The following SPAG16 variants were observed in gnomAD, a reference collection of about 807,000 sequenced individuals.
The protein encoded by SPAG16 is sperm associated antigen 16.
A neutral mutation model predicts 80.4 loss-of-function variants in SPAG16; 86 were observed. The ratio of observed to expected loss-of-function variants is 1.07; its 90% CI spans 0.90 to 1.28. The LOEUF (loss-of-function observed/expected upper bound fraction) is 1.28. SPAG16 is among the 50% of genes most tolerant of loss of function. The probability of loss-of-function intolerance (pLI) is 0.00; values close to 1 mark genes in which losing one functional copy is unlikely to be tolerated. For missense variants in SPAG16, 870 were observed against 765.3 expected (o/e 1.14, Z -1.61); for synonymous variants, 294 against 265.9 (o/e 1.11, Z -1.03).
chr2:213,738,024 TTC>T (rs2067372916), intron 10 of SPAG16, among the ~76,000 whole-genome samples: 5 of 152,232 alleles, frequency 3.3e-5, no homozygotes, highest in Non-Finnish European at 7.3e-5. Flanking sequence ...TTTTAAATTT[TTC>T]TCTTTCTAAA....
chr2:214,111,224 G>A (rs1378706235), intron 14 of SPAG16, among the ~76,000 whole-genome samples: 1 of 152,136 alleles, frequency 6.6e-6, no homozygotes, highest in Non-Finnish European at 1.5e-5. Context: ...GTCCTGAATG[G>A]TATTCCCTAG....
chr2:213,907,462 CG>C (rs1396799899), intron 11 of SPAG16, among the ~76,000 whole-genome samples: 1 of 134,154 alleles, frequency 7.5e-6, no homozygotes, highest in African/African-American at 2.6e-5. Context: ...TGGAAAACAG[CG>C]TGGAGGTTTC....
chr2:214,035,127 G>T (rs2048622059), intron 13 of SPAG16, among the ~76,000 whole-genome samples: 1 of 152,026 alleles, frequency 6.6e-6, no homozygotes, highest in South Asian at 2.1e-4. Flanking sequence ...AGACCGTGGG[G>T]TAGGTAGCTC....
chr2:213,723,027 G>A (rs1431466180), intron 10 of SPAG16, among the ~76,000 whole-genome samples: 1 of 152,152 alleles, frequency 6.6e-6, no homozygotes, highest in Non-Finnish European at 1.5e-5. Context: ...TGAATTTTGA[G>A]GGGACACCAA....
chr2:213,330,128 T>C (rs1397678021), intron 5 of SPAG16, among the ~76,000 whole-genome samples: 1 of 152,104 alleles, frequency 6.6e-6, no homozygotes, highest in African/African-American at 2.4e-5. Flanking sequence ...GCTAAGGCAG[T>C]GCGGAAGGGA....
chr2:213,351,308 G>C (rs2065313956), intron 7 of SPAG16, among the ~76,000 whole-genome samples: 1 of 152,064 alleles, frequency 6.6e-6, no homozygotes, highest in African/African-American at 2.4e-5. Context: ...TAAACAAATT[G>C]GAGCTCAGAT....
intron 10 of SPAG16, among the ~76,000 whole-genome samples, chr2:213,815,483 A>G (rs1189037328): frequency 3.3e-5 from 5 of 152,230 alleles, no homozygotes; most frequent in Non-Finnish European, 7.3e-5. Flanking sequence ...ACATCTCAAT[A>G]AATGTGATTT....
intron 9 of SPAG16, among the ~76,000 whole-genome samples, chr2:213,443,072 A>G (rs1386072534): frequency 2.0e-5 from 3 of 152,190 alleles, no homozygotes; most frequent in Non-Finnish European, 2.9e-5. Context: ...GGTGTAAAAC[A>G]TACTGTTTTG....
At chr2:213,870,471 G>A (rs763660008) in intron 11 of SPAG16, among the ~76,000 whole-genome samples, 4 of 152,124 alleles carry the variant, frequency 2.6e-5, no homozygotes, top group Non-Finnish European at 5.9e-5. Context: ...TTTCCTCCAC[G>A]AAGTGGCAGA....
chr2:213,955,758 C>T (rs1232557476), intron 12 of SPAG16, among the ~76,000 whole-genome samples: 1 of 152,086 alleles, frequency 6.6e-6, no homozygotes, highest in Non-Finnish European at 1.5e-5. Flanking sequence ...ATTTCATCCA[C>T]ACTATCCAAT....
At position 213,613,867 on chromosome 2, in the gene SPAG16, G is replaced by A. The variant is rs535971214; in HGVS notation, c.1070+123777G>A. 2.6e-5 allele frequency among the ~76,000 whole-genome samples: 4 copies of A among 152,296 alleles called. No individual in the cohort carries two copies. In the South Asian group the frequency reaches 6.2e-4, roughly 24 times the overall value. ...ATAAAAAATTTGGAAGTAGGCGAGAGAACACTGCTTAGTGAATATAAACTA... is the reference window on the plus strand; with the variant it reads ...ATAAAAAATTTGGAAGTAGGCGAGAAAACACTGCTTAGTGAATATAAACTA... On this transcript the variant is annotated intron_variant, in intron 10 of 15. Coordinates refer to ENST00000331683, the MANE Select transcript of SPAG16 (RefSeq NM_024532.5).
chr2:213,596,933 C>T (rs2060903538), intron 10 of SPAG16, among the ~76,000 whole-genome samples: 1 of 152,012 alleles, frequency 6.6e-6, no homozygotes, highest in Admixed American at 6.6e-5. Flanking sequence ...GCTATAATTA[C>T]TTTTCTCTTT....
chr2:213,814,722 G>A (rs1344556549), intron 10 of SPAG16, among the ~76,000 whole-genome samples: 1 of 151,976 alleles, frequency 6.6e-6, no homozygotes, highest in South Asian at 2.1e-4. Flanking sequence ...CCTGGGAGGC[G>A]GAGGTTGCAG....
chr2:214,100,784 G>A (rs2125367653), intron 13 of SPAG16, among the ~76,000 whole-genome samples: 1 of 152,040 alleles, frequency 6.6e-6, no homozygotes, highest in South Asian at 2.1e-4. Context: ...TCTTCATCCA[G>A]TCTACCATTG....
chr2:214,389,412 CT>C (rs1203943016), intron 15 of SPAG16, among the ~76,000 whole-genome samples: 1 of 152,166 alleles, frequency 6.6e-6, no homozygotes, highest in Non-Finnish European at 1.5e-5. Context: ...CAATACAGGG[CT>C]AATGATTGCA....
At chr2:213,328,039 G>T (rs765896044) in intron 5 of SPAG16, among the ~76,000 whole-genome samples, 1 of 152,066 alleles carries the variant, frequency 6.6e-6, no homozygotes, top group Non-Finnish European at 1.5e-5. Context: ...TATATAGCTT[G>T]ACAAGGTCAC....
intron 10 of SPAG16, among the ~76,000 whole-genome samples, chr2:213,735,092 C>A (rs933055071): frequency 2.6e-5 from 4 of 152,086 alleles, no homozygotes; most frequent in Non-Finnish European, 5.9e-5. Context: ...CTAATTTACC[C>A]CTTCCCCATA....
At chr2:213,941,313 A>T (rs191194699) in intron 12 of SPAG16, among the ~76,000 whole-genome samples, 1 of 152,106 alleles carries the variant, frequency 6.6e-6, no homozygotes, top group Non-Finnish European at 1.5e-5. Flanking sequence ...TGAGCCTGTA[A>T]CTCCTTCTTT....
At chr2:213,742,504 T>C (rs1229710150) in intron 10 of SPAG16, among the ~76,000 whole-genome samples, 1 of 151,932 alleles carries the variant, frequency 6.6e-6, no homozygotes, top group Non-Finnish European at 1.5e-5. Flanking sequence ...TAAATACCTC[T>C]ACAGGTACAC....
Sources: allele counts gnomAD v4.1 joint callset (sites outside exome capture counted in the v4.1 genomes callset), GRCh38; gene constraint gnomAD v4.1.1; transcripts MANE v1.5; gene names NCBI Gene and HGNC (gene_info 2026-07-23, HGNC 2026-07-21).